The following LGR4 variants were observed in gnomAD, a reference collection of about 807,000 sequenced individuals.
The protein encoded by LGR4 is leucine rich repeat containing G protein-coupled receptor 4.
LGR4 carries 44 observed loss-of-function variants against 84.8 expected under a neutral mutation model. The ratio of observed to expected loss-of-function variants is 0.52; its 90% CI spans 0.41 to 0.67. LGR4 has a LOEUF of 0.67. Among genes scored for constraint, LGR4 ranks in the 30% least tolerant of loss-of-function variants. The pLI is 0.00. For missense variants in LGR4, 1,032 were observed against 1,131.4 expected (o/e 0.91, Z 1.26); for synonymous variants, 429 against 434.3 (o/e 0.99, Z 0.15).
chr11:27,441,199 G>C (rs745502858), intron 1 of LGR4, among the ~76,000 whole-genome samples: 7 of 152,102 alleles, frequency 4.6e-5, no homozygotes, highest in Non-Finnish European at 8.8e-5. Flanking sequence ...TCAATGCATA[G>C]GTGAGGCAAC....
chr11:27,430,920 C>T (rs970783499), intron 1 of LGR4, among the ~76,000 whole-genome samples: 25 of 151,584 alleles, frequency 1.6e-4, no homozygotes, highest in African/African-American at 4.4e-4. Context: ...CCCACAAGCA[C>T]GCAAACCTCT....
In LGR4 at chr11:27,472,712, C is replaced by T. The variant is rs577449259; in HGVS notation, c.-410G>A. 3.1e-4 allele frequency: 113 copies of T among 361,976 alleles called. 4 individuals carry two copies. In the South Asian group the frequency reaches 0.016, roughly 50 times the overall value. 22.4% of individuals were successfully genotyped at this position (361,976 alleles called of 1,614,324 possible). On this transcript the variant is annotated 5_prime_UTR_variant, in exon 1 of 18. Coordinates refer to ENST00000379214, the MANE Select transcript of LGR4 (RefSeq NM_018490.5). ...GCCCCCGCCGTGGCTCTCGCACAAA[C>T]ACCCAGACTCTGGCTCGCTGTCTCC... is the stretch of plus-strand genomic sequence containing the variant.
intron 1 of LGR4, among the ~76,000 whole-genome samples, chr11:27,454,204 T>C (rs1278559895): frequency 1.3e-5 from 2 of 152,184 alleles, no homozygotes; most frequent in African/African-American, 4.8e-5. Flanking sequence ...CTCCCTGGCT[T>C]CAACTTGTCC....
intron 2 of LGR4, among the ~76,000 whole-genome samples, chr11:27,407,724 T>C (rs1863639371): frequency 6.6e-6 from 1 of 152,142 alleles, no homozygotes; most frequent in African/African-American, 2.4e-5. Flanking sequence ...GAAATTTGAA[T>C]AAGAATTGTA....
At chr11:27,376,828 G>C (rs1862993047) in intron 12 of LGR4, among the ~76,000 whole-genome samples, 1 of 152,164 alleles carries the variant, frequency 6.6e-6, no homozygotes, top group Admixed American at 6.5e-5. Context: ...GCTTCCACCA[G>C]AGCTGTGCAA....
intron 1 of LGR4, among the ~76,000 whole-genome samples, chr11:27,433,676 AAC>A: frequency 6.6e-6 from 1 of 152,202 alleles, no homozygotes; most frequent in Non-Finnish European, 1.5e-5. Context: ...AGAAAGGCAA[AAC>A]AAATCATTCA....
chr11:27,454,670 G>C (rs986489410), intron 1 of LGR4, among the ~76,000 whole-genome samples: 1 of 151,782 alleles, frequency 6.6e-6, no homozygotes, highest in Admixed American at 6.6e-5. Flanking sequence ...CTGAGGCAGG[G>C]GAATTGCTTG....
At chr11:27,417,036 T>TG (rs1210963273) in intron 1 of LGR4, among the ~76,000 whole-genome samples, 1 of 152,190 alleles carries the variant, frequency 6.6e-6, no homozygotes. Context: ...TTACTGGGTC[T>TG]GGGCCTTCTG....
chr11:27,426,839 A>T (rs1189365158), intron 1 of LGR4, among the ~76,000 whole-genome samples: 1 of 152,208 alleles, frequency 6.6e-6, no homozygotes, highest in Non-Finnish European at 1.5e-5. Context: ...GATTCTTTCC[A>T]CTACCTTAAG....
rs148288350 is a variant in LGR4, at chr11:27,402,826, G to A, written c.257+9963C>T. 4.0e-3 allele frequency among the ~76,000 whole-genome samples: 609 copies of A among 152,266 alleles called. 3 individuals carry two copies. Among genetic ancestry groups the A allele is most frequent in the African/African-American group, 0.012 (515 of 41,550 alleles). On this transcript the variant is annotated intron_variant, in intron 2 of 17. Transcript: ENST00000379214. ...TCCCTACTTCATCCTATCTACTGCT[G>A]AGGATAGGGTTTTGATGGCTGCAGC...
At chr11:27,428,257 C>T (rs902970016) in intron 1 of LGR4, among the ~76,000 whole-genome samples, 1 of 152,056 alleles carries the variant, frequency 6.6e-6, no homozygotes, top group African/African-American at 2.4e-5. Context: ...CCTTCTCCAG[C>T]CTCCCGAGAG....
intron 1 of LGR4, among the ~76,000 whole-genome samples, chr11:27,445,074 A>G (rs1322393496): frequency 6.6e-6 from 1 of 152,200 alleles, no homozygotes; most frequent in African/African-American, 2.4e-5. Flanking sequence ...ACAGAAGACT[A>G]AATGACCCAG....
At chr11:27,439,901 CTTT>C (rs1164372130) in intron 1 of LGR4, among the ~76,000 whole-genome samples, 1,938 of 100,600 alleles carry the variant, frequency 0.019, 26 homozygotes, top group African/African-American at 0.063. Flanking sequence ...TAGGATTTCT[CTTT>C]TTTTTTTTTT....
intron 1 of LGR4, among the ~76,000 whole-genome samples, chr11:27,435,896 A>G (rs1391511452): frequency 6.6e-6 from 1 of 151,392 alleles, no homozygotes; most frequent in African/African-American, 2.4e-5. Context: ...CTCATTTTAC[A>G]GAACTGGAAA....
chr11:27,404,435 C>T (rs773642055), intron 2 of LGR4, among the ~76,000 whole-genome samples: 3 of 152,158 alleles, frequency 2.0e-5, no homozygotes, highest in Non-Finnish European at 2.9e-5. Context: ...TGAGGGCTTA[C>T]GATTCTTCAA....
chr11:27,423,408 G>A (rs1331292022), intron 1 of LGR4, among the ~76,000 whole-genome samples: 1 of 152,310 alleles, frequency 6.6e-6, no homozygotes, highest in South Asian at 2.1e-4. Context: ...CGCCTCAGGC[G>A]ATGAGGCGTG....
At chr11:27,449,756 G>C (rs545214183) in intron 1 of LGR4, among the ~76,000 whole-genome samples, 1 of 152,104 alleles carries the variant, frequency 6.6e-6, no homozygotes, top group African/African-American at 2.4e-5. Context: ...TTCAAAGGAC[G>C]TATGTCTATA....
intron 14 of LGR4, 125 bp downstream of exon 14, chr11:27,373,850 C>A: frequency 1.0e-6 from 1 of 993,402 alleles, no homozygotes; most frequent in Non-Finnish European, 1.5e-6. Flanking sequence ...ACTATAAATA[C>A]AGCTTAGCAT....
chr11:27,415,846 T>C (rs1394069275), intron 1 of LGR4, among the ~76,000 whole-genome samples: 1 of 152,058 alleles, frequency 6.6e-6, no homozygotes, highest in South Asian at 2.1e-4. Flanking sequence ...CTGATGGTGA[T>C]AAACAATCTA....
Sources: gnomAD v4.1 joint callset for allele counts (sites outside exome capture counted in the v4.1 genomes callset) on GRCh38, gnomAD v4.1.1 for gene constraint, MANE v1.5 for transcripts, NCBI Gene and HGNC (gene_info 2026-07-23, HGNC 2026-07-21) for gene names.